Variants in INPP5A observed in about 807,000 individuals in gnomAD.
The protein encoded by INPP5A is 43 kDa inositol polyphosphate 5-phophatase.
A neutral mutation model predicts 65.2 loss-of-function variants in INPP5A; 14 were observed. The ratio of observed to expected loss-of-function variants is 0.21; its 90% CI spans 0.14 to 0.34. The LOEUF is 0.34. INPP5A is among the 10% of genes least tolerant of loss of function. The probability of loss-of-function intolerance (pLI) is 1.00; values close to 1 mark genes in which losing one functional copy is unlikely to be tolerated. For synonymous variants in INPP5A, 207 were observed against 208.3 expected (o/e 0.99, Z 0.05); for missense variants, 431 against 545.6 (o/e 0.79, Z 2.09).
At chr10:132,765,902 C>G in intron 12 of INPP5A, 56 bp downstream of exon 12, 1 of 985,030 alleles carries the variant, frequency 1.0e-6, no homozygotes, top group South Asian at 1.3e-5. Context: ...CGTCTCCACC[C>G]TCCCAGTCTC....
At chr10:132,567,035 G>C (rs201150046) in intron 1 of INPP5A, among the ~76,000 whole-genome samples, 1 of 152,192 alleles carries the variant, frequency 6.6e-6, no homozygotes, top group East Asian at 1.9e-4. Flanking sequence ...GGCTCCTGTA[G>C]GCTGCAGTAA....
rs894469688 is a variant in INPP5A at position 132,704,158 on chromosome 10, G to A, written c.475-4155G>A. Among the ~76,000 whole-genome samples the A allele has an allele frequency of 2.6e-5, 4 of 152,206 alleles. No individual in the cohort carries two copies. The highest frequency in any genetic ancestry group is 2.1e-4 in the South Asian group (1 of 4,818). ...CCCCAGACAGGAGGTGTCGAGGCAC[G>A]GAAGATGAGCTGCTGGTGCTCTAGG... is the stretch of plus-strand genomic sequence containing the variant. On this transcript the variant is annotated intron_variant, in intron 6 of 15. Transcript: ENST00000368594. The surrounding 1 kb of genome is among the most constrained non-coding windows in gnomAD (Gnocchi z 4.5).
chr10:132,765,881 C>T lies in INPP5A; in HGVS notation c.977+35C>T, dbSNP rs188219512. On this transcript the variant is annotated intron_variant, in intron 12 of 15. Transcript: ENST00000368594. ...ATGCTGTTTGCTGGATGAACCCGGCCGGGAAGGTGGCGTCTCCACCCTCCC... is the reference window on the plus strand; with the variant it reads ...ATGCTGTTTGCTGGATGAACCCGGCTGGGAAGGTGGCGTCTCCACCCTCCC... 3.7e-5 allele frequency: 50 copies of T among 1,363,824 alleles called. No homozygotes were observed. In the Middle Eastern group the frequency reaches 7.1e-4, roughly 19 times the overall value. 84.5% of individuals were successfully genotyped at this position (1,363,824 alleles called of 1,614,324 possible).
Position 132,693,174 on chromosome 10 carries a change from G to C in INPP5A, c.370+2719G>C, listed in dbSNP as rs543386541. Among the ~76,000 whole-genome samples the C allele has an allele frequency of 1.1e-3, 164 of 152,294 alleles. 2 individuals carry two copies. The highest frequency in any genetic ancestry group is 3.8e-3 in the African/African-American group (160 of 41,582). Reference sequence around the variant, plus strand: ...GCTTTTTAAAAGAAGTATAATTGATGTGTTAAGAGAGGAGAGATAATGGAA... The same window carrying C: ...GCTTTTTAAAAGAAGTATAATTGATCTGTTAAGAGAGGAGAGATAATGGAA... On this transcript the variant is annotated intron_variant, in intron 5 of 15. Coordinates refer to ENST00000368594, the MANE Select transcript of INPP5A (RefSeq NM_005539.5).
intron 11 of INPP5A, among the ~76,000 whole-genome samples, chr10:132,761,278 C>A (rs1043160212): frequency 6.6e-6 from 1 of 152,222 alleles, no homozygotes; most frequent in Non-Finnish European, 1.5e-5. Flanking sequence ...AGAAAGAAAG[C>A]AAATGCCTAG....
chr10:132,553,244 A>G (rs1590823740), intron 1 of INPP5A, among the ~76,000 whole-genome samples: 2 of 93,660 alleles, frequency 2.1e-5, no homozygotes, highest in Admixed American at 9.8e-5. Flanking sequence ...AATATTGGGT[A>G]GGATAGGGAG....
rs1590899017 is a variant in INPP5A at position 132,655,067 on chromosome 10, G to T, written c.306+4562G>T. ...ACATGCACCGACTCCGCCAGGCGAG[G>T]TGGGCCTGGCTCAGGGCAGAAGGCC... On this transcript the variant is annotated intron_variant, in intron 4 of 15. Coordinates refer to ENST00000368594, the MANE Select transcript of INPP5A (RefSeq NM_005539.5). 2.0e-5 allele frequency among the ~76,000 whole-genome samples: 3 copies of T among 152,266 alleles called. No homozygotes were observed. The East Asian group carries it at 5.8e-4, about 29-fold the overall frequency.
At chr10:132,759,361 C>T (rs1016759429) in intron 11 of INPP5A, among the ~76,000 whole-genome samples, 1 of 139,176 alleles carries the variant, frequency 7.2e-6, no homozygotes, top group African/African-American at 2.6e-5. Flanking sequence ...TCCCCTGAGG[C>T]GCCTCATGCC....
chr10:132,749,499 GTTGC>G lies in INPP5A; in HGVS notation c.733-16_733-13del. Reference sequence around the variant, plus strand: ...GTGGGCCCCCCTGGGACTTATCTCCGTTGCTGTCTTTCTGCAGACGCTCTGCACA... The same window carrying G: ...GTGGGCCCCCCTGGGACTTATCTCCGTGTCTTTCTGCAGACGCTCTGCACA... On this transcript the variant is annotated splice_polypyrimidine_tract_variant and intron_variant, in intron 9 of 15. Transcript: ENST00000368594. The G allele has an allele frequency of 6.2e-7, 1 of 1,611,744 alleles. No individual in the cohort carries two copies. The highest frequency in any genetic ancestry group is 1.3e-5 in the African/African-American group (1 of 75,036).
At chr10:132,614,791 G>C (rs1325209757) in intron 2 of INPP5A, among the ~76,000 whole-genome samples, 2 of 152,252 alleles carry the variant, frequency 1.3e-5, no homozygotes, top group African/African-American at 4.8e-5. Flanking sequence ...CCCCATGAAT[G>C]CAATCAGTGC....
rs148319446 is a variant in INPP5A at position 132,616,356 on chromosome 10, C to T, written c.117+8400C>T. Reference sequence around the variant, plus strand: ...GACGCCGTGGGCGTGGTGTGGGGCACGTGGCGTGCGGGGACGCCGTGGGCG... The same window carrying T: ...GACGCCGTGGGCGTGGTGTGGGGCATGTGGCGTGCGGGGACGCCGTGGGCG... On this transcript the variant is annotated intron_variant, in intron 2 of 15. Coordinates refer to ENST00000368594, the MANE Select transcript of INPP5A (RefSeq NM_005539.5). This position sits in a 1 kb window ranked among gnomAD's most constrained non-coding sequence, Gnocchi z 4.9. Among the ~76,000 whole-genome samples, 195 of 148,868 alleles carry T rather than the reference C, an allele frequency of 1.3e-3. No individual in the cohort carries two copies. The highest frequency in any genetic ancestry group is 4.5e-3 in the African/African-American group (184 of 40,450).
chr10:132,734,812 A>G (rs1419954151), intron 9 of INPP5A, among the ~76,000 whole-genome samples: 2 of 152,212 alleles, frequency 1.3e-5, no homozygotes, highest in Non-Finnish European at 2.9e-5. Context: ...AAGCATCTGC[A>G]TTTTAAAGGA....
At chr10:132,756,983 C>A (rs1225692690) in intron 11 of INPP5A, among the ~76,000 whole-genome samples, 1 of 151,956 alleles carries the variant, frequency 6.6e-6, no homozygotes, top group South Asian at 2.1e-4. Flanking sequence ...AAAGAATAGG[C>A]AAAAAGTTTA....
At chr10:132,573,624 C>T (rs111914275) in intron 1 of INPP5A, among the ~76,000 whole-genome samples, 157 of 37,504 alleles carry the variant, frequency 4.2e-3, no homozygotes, top group Admixed American at 6.4e-3. Context: ...TTGGGGTGTG[C>T]GTGCCGTGTG....
intron 12 of INPP5A, among the ~76,000 whole-genome samples, chr10:132,773,705 C>T (rs1388994370): frequency 6.6e-6 from 1 of 152,188 alleles, no homozygotes. Context: ...GGAACCCGTC[C>T]CACAGAAGAG....
chr10:132,587,531 A>G lies in INPP5A; in HGVS notation c.76-20384A>G, dbSNP rs563878259. Reference sequence around the variant, plus strand: ...GGTCCCTGTAACCAGAGCTGTTGGGACGCGGGGAGCAGGCGAAATTTCTGG... The same window carrying G: ...GGTCCCTGTAACCAGAGCTGTTGGGGCGCGGGGAGCAGGCGAAATTTCTGG... On this transcript the variant is annotated intron_variant, in intron 1 of 15. Coordinates refer to ENST00000368594, the MANE Select transcript of INPP5A (RefSeq NM_005539.5). The surrounding 1 kb of genome is among the most constrained non-coding windows in gnomAD (Gnocchi z 4.3). Among the ~76,000 whole-genome samples the G allele has an allele frequency of 2.4e-3, 362 of 152,216 alleles. 2 individuals carry two copies. The highest frequency in any genetic ancestry group is 8.0e-3 in the African/African-American group (332 of 41,526).
intron 13 of INPP5A, among the ~76,000 whole-genome samples, chr10:132,780,638 G>GCTGC (rs978199511): frequency 7.2e-5 from 11 of 152,270 alleles, no homozygotes; most frequent in Admixed American, 3.9e-4. Flanking sequence ...GTGCTGAGGC[G>GCTGC]CTGCCACATC....
chr10:132,741,440 A>C lies in INPP5A; in HGVS notation c.733-8077A>C, dbSNP rs1846267985. Reference sequence around the variant, plus strand: ...AACTTCTCGGCATCTGTGCCAGGAAAGTTAGAGCTTCCTCATCCTTGGAAC... The same window carrying C: ...AACTTCTCGGCATCTGTGCCAGGAACGTTAGAGCTTCCTCATCCTTGGAAC... On this transcript the variant is annotated intron_variant, in intron 9 of 15. Transcript: ENST00000368594. This position sits in a 1 kb window ranked among gnomAD's most constrained non-coding sequence, Gnocchi z 4.4. Among the ~76,000 whole-genome samples, 1 of 152,184 alleles carries C rather than the reference A, an allele frequency of 6.6e-6. No individual in the cohort carries two copies.
At chr10:132,570,661 A>G (rs2071329687) in intron 1 of INPP5A, among the ~76,000 whole-genome samples, 1 of 152,006 alleles carries the variant, frequency 6.6e-6, no homozygotes, top group Non-Finnish European at 1.5e-5. Flanking sequence ...TCTAAGTACC[A>G]AAACACTTTT....
Sources: gnomAD v4.1 joint callset for allele counts (sites outside exome capture counted in the v4.1 genomes callset) on GRCh38, gnomAD v4.1.1 for gene constraint, Gnocchi (gnomAD v3.1) non-coding constraint, MANE v1.5 for transcripts, NCBI Gene and HGNC (gene_info 2026-07-23, HGNC 2026-07-21) for gene names.